TLE2: variants seen among roughly 807,000 people sequenced by gnomAD.
TLE2 encodes the protein transducin-like enhancer protein 2.
Under a neutral mutation model 97.2 loss-of-function variants are expected in TLE2, and 74 were observed. The ratio of observed to expected loss-of-function variants is 0.76; its 90% CI spans 0.63 to 0.92. TLE2 has a LOEUF of 0.92. Ranked by LOEUF, TLE2 falls within the 40% of genes least tolerant of loss-of-function variation. The pLI is 0.00. For synonymous variants in TLE2, 499 were observed against 432.1 expected, an observed-to-expected ratio of 1.15 and a Z score of -1.92; for missense variants, 1,038 against 1,008.7, an observed-to-expected ratio of 1.03 and a Z score of -0.39.
chr19:3,012,364 C>T lies in TLE2; in HGVS notation c.874-1204G>A, dbSNP rs373477412. 2.5e-4 allele frequency among the ~76,000 whole-genome samples: 38 copies of T among 152,264 alleles called. 1 individual carries two copies. In the East Asian group the frequency reaches 4.1e-3, roughly 16 times the overall value. ...CCAAGTAGCTGGCACTACAGGCACACGACTCCATGCCCGGCTAACTTTTTA... is the reference window on the plus strand; with the variant it reads ...CCAAGTAGCTGGCACTACAGGCACATGACTCCATGCCCGGCTAACTTTTTA... On this transcript the variant is annotated intron_variant, in intron 11 of 19. Transcript: ENST00000262953.
chr19:3,020,191 G>A lies in TLE2; in HGVS notation c.295-418C>T, dbSNP rs548879982. 7.2e-4 allele frequency: 134 copies of A among 187,350 alleles called. 1 individual carries two copies. Among genetic ancestry groups the A allele is most frequent in the African/African-American group, 3.1e-3 (131 of 42,400 alleles). 11.6% of individuals were successfully genotyped at this position (187,350 alleles called of 1,614,324 possible). ...GTGGAGGTTGCAGTGAGCCGAGATC[G>A]TGCCAATGCATTCCAGCCTGGGTGA... On this transcript the variant is annotated intron_variant, in intron 5 of 19. Transcript: ENST00000262953.
chr19:3,041,014 T>TATATATATATATATATGTATATATA (rs55998855), intron 1 of TLE2, among the ~76,000 whole-genome samples: 5 of 20,166 alleles, frequency 2.5e-4, no homozygotes, highest in Non-Finnish European at 3.4e-4. Context: ...TATATATATA[T>TATATATATATATATATGTATATATA]TTTTTTTTTT....
intron 18 of TLE2, among the ~76,000 whole-genome samples, chr19:3,001,231 CCACTG>C (rs2089351224): frequency 6.6e-6 from 1 of 151,554 alleles, no homozygotes; most frequent in African/African-American, 2.4e-5. Flanking sequence ...TGAGATTGCG[CCACTG>C]CACTCCAGCC....
At chr19:2,999,758 C>A (rs934506171) in intron 19 of TLE2, among the ~76,000 whole-genome samples, 2 of 141,184 alleles carry the variant, frequency 1.4e-5, no homozygotes, top group African/African-American at 2.7e-5. Context: ...AACAGCTGGG[C>A]GCAGTGGCTC....
chr19:3,015,884 C>A (rs1389597595), intron 8 of TLE2, 124 bp from the exon 9 acceptor site: 3 of 748,754 alleles, frequency 4.0e-6, no homozygotes, highest in Non-Finnish European at 7.0e-6. Context: ...AGCTTCCCAT[C>A]TGGGAAATGG....
chr19:3,047,350 C>G (rs1279647780), upstream of TLE2, among the ~76,000 whole-genome samples: 4 of 145,136 alleles, frequency 2.8e-5, no homozygotes, highest in East Asian at 2.2e-4. Flanking sequence ...AGCACGCCCC[C>G]CCAGGACGCC....
chr19:3,024,626 G>A (rs10412849), intron 5 of TLE2, among the ~76,000 whole-genome samples: 27,466 of 152,034 alleles, frequency 0.18, 2,730 homozygotes, highest in East Asian at 0.32. Context: ...ATCATCTCCA[G>A]CACCCTGGGT....
In TLE2 at chr19:3,018,494, C is replaced by T. The variant is rs574657772; in HGVS notation, c.551-635G>A. ...TTTTAGTAGAGACAAGGTTTCACCA[C>T]GTTGACCAGGCTGGTCTCAAACTCC... On this transcript the variant is annotated intron_variant, in intron 7 of 19. Coordinates refer to ENST00000262953, the MANE Select transcript of TLE2 (RefSeq NM_003260.5). Among the ~76,000 whole-genome samples the T allele has an allele frequency of 5.9e-5, 9 of 151,592 alleles. 1 individual carries two copies. Among genetic ancestry groups the T allele is most frequent in the Admixed American group, 2.6e-4 (4 of 15,174 alleles).
intron 1 of TLE2, among the ~76,000 whole-genome samples, chr19:3,039,061 T>TAA (rs370737662): frequency 1.2e-4 from 14 of 121,508 alleles, no homozygotes; most frequent in African/African-American, 4.3e-4. Context: ...AAATAAAAAT[T>TAA]AAAAAAAAAA....
chr19:3,038,272 G>A (rs1004872015), intron 1 of TLE2, among the ~76,000 whole-genome samples: 2 of 152,102 alleles, frequency 1.3e-5, no homozygotes, highest in East Asian at 1.9e-4. Flanking sequence ...CAGTGCCACC[G>A]TCATAGCTCA....
In TLE2 at chr19:3,005,470, G is replaced by T. The variant is rs370245353; in HGVS notation, c.1863C>A (p.Gly621=). ...TGAAGTCATGCTGCTGCAGCTGGCG[G>T]CCCTCCCGCAGGTCCCAGCAGCGCA... ...NTVRCWDLRE[G]RQLQQHDFSS... Residue 621 remains glycine, a synonymous_variant, in exon 17 of 20, where the codon GGC becomes GGA. Coordinates refer to ENST00000262953, the MANE Select transcript of TLE2 (RefSeq NM_003260.5). 6.2e-7 allele frequency: 1 copy of T among 1,613,682 alleles called. No homozygotes were observed. The highest frequency in any genetic ancestry group is 1.3e-5 in the African/African-American group (1 of 74,928).
chr19:3,004,602 G>A (rs2089434256), intron 17 of TLE2, among the ~76,000 whole-genome samples: 1 of 136,738 alleles, frequency 7.3e-6, no homozygotes, highest in Non-Finnish European at 1.5e-5. Context: ...TCACAACACA[G>A]CAACTCTGTC....
chr19:2,998,035 A>G, intron 19 of TLE2, 80 bp from the exon 20 acceptor site: 1 of 1,015,028 alleles, frequency 9.9e-7, no homozygotes, highest in Non-Finnish European at 1.5e-6. Flanking sequence ...GCTGGGGCGG[A>G]GTCAGGAACG....
At chr19:3,015,435 G>T (rs2089681004) in intron 9 of TLE2, among the ~76,000 whole-genome samples, 1 of 152,262 alleles carries the variant, frequency 6.6e-6, no homozygotes, top group South Asian at 2.1e-4. Flanking sequence ...TGGGAAAATG[G>T]CTGTACGGCC....
upstream of TLE2, among the ~76,000 whole-genome samples, chr19:3,033,260 C>T (rs540461701): frequency 2.0e-5 from 3 of 152,220 alleles, no homozygotes; most frequent in South Asian, 6.2e-4. Context: ...CTCTGCCTCC[C>T]AGGTTCACAC....
chr19:3,016,098 G>C (rs192442531), intron 8 of TLE2, among the ~76,000 whole-genome samples: 7 of 151,680 alleles, frequency 4.6e-5, no homozygotes, highest in Admixed American at 2.6e-4. Flanking sequence ...ACCACGCCCA[G>C]CTAATTTTTG....
At chr19:3,030,486 G>T (rs2090014375), upstream of TLE2, among the ~76,000 whole-genome samples, 1 of 152,192 alleles carries the variant, frequency 6.6e-6, no homozygotes, top group African/African-American at 2.4e-5. Context: ...TAGACACTGG[G>T]GCACAGCTGG....
Position 3,028,873 on chromosome 19 carries a change from G to C in TLE2, c.24+8C>G, listed in dbSNP as rs2288950. ...ACTGGGGGCCCCCTCCCCGCAGTCC[G>C]CACTCACCGGGTGCCTTCCCTGGGG... On this transcript the variant is annotated splice_region_variant and intron_variant, in intron 1 of 19. Transcript: ENST00000262953. 593,231 of 1,610,786 alleles carry C rather than the reference G, an allele frequency of 0.37. 111,822 individuals carry two copies. The highest frequency in any genetic ancestry group is 0.56 in the African/African-American group (42,020 of 74,812).
upstream of TLE2, among the ~76,000 whole-genome samples, chr19:3,030,084 G>T (rs1359016844): frequency 6.6e-6 from 1 of 152,148 alleles, no homozygotes; most frequent in Non-Finnish European, 1.5e-5. Context: ...ATTACGGGCG[G>T]GAGCCACCGC....
Sources: allele counts gnomAD v4.1 joint callset (sites outside exome capture counted in the v4.1 genomes callset), GRCh38; gene constraint gnomAD v4.1.1; transcripts MANE v1.5; gene names NCBI Gene and HGNC (gene_info 2026-07-23, HGNC 2026-07-21).